HIVEP3: variants seen among roughly 807,000 people sequenced by gnomAD.
HIVEP3 encodes HIVEP zinc finger 3.
In HIVEP3, 49 loss-of-function variants were observed where a neutral mutation model predicts 152.8. The ratio of observed to expected loss-of-function variants is 0.32; its 90% CI spans 0.26 to 0.41. The LOEUF (loss-of-function observed/expected upper bound fraction) is 0.41, where lower values mean the gene tolerates loss of function less well. Among genes scored for constraint, HIVEP3 ranks in the 10% least tolerant of loss-of-function variants. The pLI is 1.00. For synonymous variants in HIVEP3, 1,269 were observed against 1,289.0 expected (o/e 0.98, Z 0.33); for missense variants, 2,790 against 3,103.3 (o/e 0.90, Z 2.40).
chr1:41,746,208 A>G (rs1647068701), intron 1 of HIVEP3, among the ~76,000 whole-genome samples: 1 of 152,234 alleles, frequency 6.6e-6, no homozygotes, highest in Admixed American at 6.5e-5. Context: ...GAGAAAAAAA[A>G]ATCTTGCCAT....
chr1:41,533,893 A>G lies in HIVEP3; in HGVS notation c.5208-8983T>C, dbSNP rs573392096. Among the ~76,000 whole-genome samples the G allele has an allele frequency of 6.6e-6, 1 of 150,428 alleles. No homozygotes were observed. The highest frequency in any genetic ancestry group is 2.0e-4 in the East Asian group (1 of 5,004). On this transcript the variant is annotated intron_variant, in intron 5 of 8. Coordinates refer to ENST00000372583, the MANE Select transcript of HIVEP3 (RefSeq NM_024503.5). The surrounding 1 kb of genome is among the most constrained non-coding windows in gnomAD (Gnocchi z 4.3). Reference sequence around the variant, plus strand: ...GCACCTCATACCTTGCGTGCCCAGAACCAGCCTTCCAAGTCCCTCTACCTG... The same window carrying G: ...GCACCTCATACCTTGCGTGCCCAGAGCCAGCCTTCCAAGTCCCTCTACCTG...
At chr1:41,957,584 G>A (rs1419368541) in intron 1 of HIVEP3, among the ~76,000 whole-genome samples, 1 of 152,198 alleles carries the variant, frequency 6.6e-6, no homozygotes, top group Non-Finnish European at 1.5e-5. Context: ...AAGAAAGAAC[G>A]AGGAAAGTTC....
At chr1:41,902,123 G>A (rs1319414926) in intron 1 of HIVEP3, among the ~76,000 whole-genome samples, 1 of 152,110 alleles carries the variant, frequency 6.6e-6, no homozygotes, top group Non-Finnish European at 1.5e-5. Flanking sequence ...ACTGTCCCTG[G>A]GAAGTGGGAC....
At chr1:41,704,292 C>T (rs1356474390) in intron 1 of HIVEP3, among the ~76,000 whole-genome samples, 2 of 152,214 alleles carry the variant, frequency 1.3e-5, no homozygotes, top group Admixed American at 1.3e-4. Context: ...TTTGCATAGC[C>T]CAGGCTCCAC....
intron 2 of HIVEP3, among the ~76,000 whole-genome samples, chr1:41,675,963 G>T (rs1036209388): frequency 6.6e-6 from 1 of 152,132 alleles, no homozygotes; most frequent in Non-Finnish European, 1.5e-5. Flanking sequence ...GGACAGGACA[G>T]CTGGGGAACT....
At chr1:41,828,848 G>A (rs1336487029) in intron 1 of HIVEP3, among the ~76,000 whole-genome samples, 2 of 152,234 alleles carry the variant, frequency 1.3e-5, no homozygotes, top group African/African-American at 2.4e-5. Flanking sequence ...TGCACGTAGT[G>A]CAGCTCTTTA....
intron 2 of HIVEP3, among the ~76,000 whole-genome samples, chr1:41,684,749 T>C (rs1244361756): frequency 6.6e-6 from 1 of 152,254 alleles, no homozygotes; most frequent in Non-Finnish European, 1.5e-5. Flanking sequence ...GACCATGAAC[T>C]TAAGACACAT....
intron 1 of HIVEP3, among the ~76,000 whole-genome samples, chr1:41,743,389 C>T (rs1016949770): frequency 6.6e-6 from 1 of 152,200 alleles, no homozygotes; most frequent in African/African-American, 2.4e-5. Flanking sequence ...ACCAAATCCC[C>T]AGCACTTAGG....
chr1:41,764,068 AG>A (rs1331389330), intron 1 of HIVEP3, among the ~76,000 whole-genome samples: 9 of 148,200 alleles, frequency 6.1e-5, no homozygotes, highest in Admixed American at 6.0e-4. Context: ...CTGGTGTCCC[AG>A]CTATAGATGG....
At chr1:41,858,494 G>A (rs1431834793) in intron 1 of HIVEP3, among the ~76,000 whole-genome samples, 2 of 152,050 alleles carry the variant, frequency 1.3e-5, no homozygotes, top group East Asian at 3.9e-4. Flanking sequence ...ACCTTCCATG[G>A]TCTCCAACAC....
intron 2 of HIVEP3, among the ~76,000 whole-genome samples, chr1:41,677,580 G>A (rs537764452): frequency 6.6e-5 from 10 of 152,212 alleles, no homozygotes; most frequent in Non-Finnish European, 1.5e-4. Flanking sequence ...TTTAATACGT[G>A]TTAGTTGAGC....
intron 1 of HIVEP3, among the ~76,000 whole-genome samples, chr1:41,723,458 T>G (rs1646705834): frequency 6.7e-6 from 1 of 150,156 alleles, no homozygotes; most frequent in Admixed American, 6.6e-5. Flanking sequence ...TAGCAGAAAA[T>G]GCACCCATAC....
At chr1:41,620,469 C>A (rs1027058952) in intron 3 of HIVEP3, among the ~76,000 whole-genome samples, 1 of 152,146 alleles carries the variant, frequency 6.6e-6, no homozygotes, top group South Asian at 2.1e-4. Flanking sequence ...CCTGTCTGAG[C>A]ACTTCTCTGA....
At chr1:41,748,884 T>C (rs935352478) in intron 1 of HIVEP3, among the ~76,000 whole-genome samples, 2 of 152,324 alleles carry the variant, frequency 1.3e-5, no homozygotes, top group Non-Finnish European at 2.9e-5. Context: ...TTCCATCTCA[T>C]TGGCTTTGAG....
intron 1 of HIVEP3, among the ~76,000 whole-genome samples, chr1:42,029,370 A>G (rs1249401392): frequency 6.6e-6 from 1 of 152,176 alleles, no homozygotes; most frequent in African/African-American, 2.4e-5. Flanking sequence ...CAAAAAAACA[A>G]AACCTCAGTA....
At chr1:42,027,525 C>G (rs552711010) in intron 1 of HIVEP3, among the ~76,000 whole-genome samples, 9 of 152,322 alleles carry the variant, frequency 5.9e-5, no homozygotes, top group African/African-American at 1.9e-4. Context: ...CACCTCTCCT[C>G]TCCCATTATT....
At chr1:41,522,184 T>A (rs945854997) in intron 6 of HIVEP3, among the ~76,000 whole-genome samples, 7 of 152,248 alleles carry the variant, frequency 4.6e-5, no homozygotes, top group African/African-American at 1.7e-4. Context: ...AAGGGGCCTG[T>A]GTTGTCTGAG....
At chr1:41,706,716 T>C (rs981508907) in intron 1 of HIVEP3, among the ~76,000 whole-genome samples, 1 of 152,186 alleles carries the variant, frequency 6.6e-6, no homozygotes, top group Non-Finnish European at 1.5e-5. Flanking sequence ...AAAGTCAAAC[T>C]CTCCTGGCCC....
chr1:41,712,040 C>T (rs903732196), intron 1 of HIVEP3, among the ~76,000 whole-genome samples: 2 of 152,154 alleles, frequency 1.3e-5, no homozygotes, highest in East Asian at 1.9e-4. Flanking sequence ...GCTAACAAGC[C>T]TCTAGGATGA....
Sources: allele counts gnomAD v4.1 joint callset (sites outside exome capture counted in the v4.1 genomes callset), GRCh38; gene constraint gnomAD v4.1.1; non-coding constraint Gnocchi (gnomAD v3.1); transcripts MANE v1.5; gene names NCBI Gene and HGNC (gene_info 2026-07-23, HGNC 2026-07-21).